The following LRRC38 variants were observed in gnomAD, a reference collection of about 807,000 sequenced individuals.
LRRC38 encodes the protein leucine-rich repeat-containing protein 38.
Under a neutral mutation model 16.4 loss-of-function variants are expected in LRRC38, and 5 were observed. That is an observed-to-expected ratio of 0.31 (90% CI 0.16 to 0.64). The LOEUF (loss-of-function observed/expected upper bound fraction) is 0.64, where lower values mean the gene tolerates loss of function less well. Ranked by LOEUF, LRRC38 falls within the 30% of genes least tolerant of loss-of-function variation. LRRC38 has a pLI of 0.80. For synonymous variants in LRRC38, 191 were observed against 190.2 expected, an observed-to-expected ratio of 1.00 and a Z score of -0.04; for missense variants, 341 against 401.8, an observed-to-expected ratio of 0.85 and a Z score of 1.29.
intron 1 of LRRC38, among the ~76,000 whole-genome samples, chr1:13,510,087 C>T (rs1292804506): frequency 1.3e-5 from 2 of 152,222 alleles, no homozygotes; most frequent in South Asian, 2.1e-4. Context: ...ATCTCCTCCC[C>T]ACTTCGCTGG....
At chr1:13,504,886 CAAAG>C (rs1244586970) in intron 1 of LRRC38, among the ~76,000 whole-genome samples, 6 of 147,608 alleles carry the variant, frequency 4.1e-5, no homozygotes, top group African/African-American at 1.3e-4. Flanking sequence ...AAAAGAGAAA[CAAAG>C]AAAGAAAAAA....
rs113802145 is a variant in LRRC38, at chr1:13,480,755, T to G, written c.632-4656A>C. Among the ~76,000 whole-genome samples, 186 of 152,326 alleles carry G rather than the reference T, an allele frequency of 1.2e-3. 3 individuals are homozygous for G. Among genetic ancestry groups the G allele is most frequent in the African/African-American group, 4.2e-3 (176 of 41,554 alleles). On this transcript the variant is annotated intron_variant, in intron 1 of 1. Coordinates refer to ENST00000376085, the MANE Select transcript of LRRC38 (RefSeq NM_001010847.2). The stretch of plus-strand genomic sequence containing the variant: ...CCTCCTTCACCTTCCACCATGATTG[T>G]GAGGCCTCCCCAGCCATGTGGAACT...
chr1:13,491,677 CTCTTT>C (rs1639014151), intron 1 of LRRC38, among the ~76,000 whole-genome samples: 1 of 151,424 alleles, frequency 6.6e-6, no homozygotes, highest in Non-Finnish European at 1.5e-5. Context: ...TTTCTTTTCT[CTCTTT>C]TTTTTTTGTT....
intron 1 of LRRC38, among the ~76,000 whole-genome samples, chr1:13,477,101 T>TC (rs1557493395): frequency 6.6e-6 from 1 of 151,856 alleles, no homozygotes; most frequent in Non-Finnish European, 1.5e-5. Flanking sequence ...CGAGACTCCA[T>TC]CTCAAAAAAA....
chr1:13,497,423 G>A (rs181488237), intron 1 of LRRC38, among the ~76,000 whole-genome samples: 19 of 152,200 alleles, frequency 1.2e-4, no homozygotes, highest in Admixed American at 3.9e-4. Flanking sequence ...TGAAGCAAGC[G>A]TGGGAGCTTG....
intron 1 of LRRC38, among the ~76,000 whole-genome samples, chr1:13,501,319 G>GTGC (rs1309800485): frequency 6.6e-6 from 1 of 152,118 alleles, no homozygotes; most frequent in African/African-American, 2.4e-5. Context: ...AGGGGAAACT[G>GTGC]TGCAGGGTAA....
At position 13,476,017 on chromosome 1, in the gene LRRC38, C is replaced by A; in HGVS notation, c.714G>T (p.Glu238Asp). The A allele has an allele frequency of 6.4e-7, 1 of 1,550,532 alleles. No individual in the cohort carries two copies. Among genetic ancestry groups the A allele is most frequent in the Non-Finnish European group, 8.7e-7 (1 of 1,146,986 alleles). ...CTGTGAGTGACAGGCTGAACCTACACTCGCTGAAGCTGGCCTCCGACAGCT... is the reference window on the plus strand; with the variant it reads ...CTGTGAGTGACAGGCTGAACCTACAATCGCTGAAGCTGGCCTCCGACAGCT... Reference protein sequence around the residue: ...LRELSEASFSECRFSLSLTDL... With the variant: ...LRELSEASFSDCRFSLSLTDL... Residue 238 changes from glutamate to aspartate, a missense_variant, in exon 2 of 2, where the codon GAG (glutamate) becomes GAT (aspartate). Glu to Asp is a conservative substitution (Grantham distance 45). Transcript: ENST00000376085.
At chr1:13,494,684 A>G (rs1204480747) in intron 1 of LRRC38, among the ~76,000 whole-genome samples, 1 of 152,132 alleles carries the variant, frequency 6.6e-6, no homozygotes, top group East Asian at 1.9e-4. Context: ...ATATGAGGGG[A>G]GCAGTGCTGA....
At chr1:13,494,677 T>C (rs164868) in intron 1 of LRRC38, among the ~76,000 whole-genome samples, 59,966 of 152,038 alleles carry the variant, frequency 0.39, 12,977 homozygotes, top group African/African-American at 0.58. Context: ...TCATGCAATA[T>C]GAGGGGAGCA....
rs919947974 is a variant in LRRC38, at chr1:13,476,108, A to C, written c.632-9T>G. ...CTGGATTTCATCAAGGCCTGAGAAA[A>C]GGCAGGCAGAGGAGAGAGAGATTTA... On this transcript the variant is annotated splice_polypyrimidine_tract_variant and intron_variant, in intron 1 of 1. Transcript: ENST00000376085. 6.5e-7 allele frequency: 1 copy of C among 1,549,890 alleles called. No homozygotes were observed. Among genetic ancestry groups the C allele is most frequent in the African/African-American group, 1.4e-5 (1 of 73,022 alleles).
At chr1:13,502,359 C>A (rs1320182810) in intron 1 of LRRC38, among the ~76,000 whole-genome samples, 1 of 152,192 alleles carries the variant, frequency 6.6e-6, no homozygotes, top group African/African-American at 2.4e-5. Context: ...GAACTTGCTT[C>A]TTTCCCCTGA....
intron 1 of LRRC38, among the ~76,000 whole-genome samples, chr1:13,490,087 C>G (rs747881084): frequency 6.6e-6 from 1 of 152,172 alleles, no homozygotes; most frequent in East Asian, 1.9e-4. Flanking sequence ...ACTGACTGTT[C>G]ATGTGATTTT....
In LRRC38 at chr1:13,493,083, G is replaced by T. The variant is rs1391404898; in HGVS notation, c.632-16984C>A. Among the ~76,000 whole-genome samples, 8 of 152,346 alleles carry T rather than the reference G, an allele frequency of 5.3e-5. No individual in the cohort carries two copies. In the East Asian group the frequency reaches 1.2e-3, roughly 22 times the overall value. On this transcript the variant is annotated intron_variant, in intron 1 of 1. Transcript: ENST00000376085. ...AGGCATCTCACCCTCGGCTCACGAA[G>T]TGCTCTCTATGCTTCAAATAGCTTC...
At chr1:13,476,677 G>A (rs1359666824) in intron 1 of LRRC38, among the ~76,000 whole-genome samples, 1 of 152,112 alleles carries the variant, frequency 6.6e-6, no homozygotes, top group Non-Finnish European at 1.5e-5. Context: ...GGGATGGAAG[G>A]GCATCATTAT....
intron 1 of LRRC38, among the ~76,000 whole-genome samples, chr1:13,498,777 T>C (rs1047490816): frequency 6.6e-6 from 1 of 152,178 alleles, no homozygotes; most frequent in Admixed American, 6.5e-5. Flanking sequence ...TGCAACACAA[T>C]ACCACCAACT....
chr1:13,513,058 CGCAGCGCGG>C lies in LRRC38; in HGVS notation c.527_535del (p.Pro176_Leu178del), dbSNP rs1481484064. ...GGGGTTCCCGTCCAGACGCAGGGAG[CGCAGCGCGG>C]GCAGCGCGGCCAGGGCGGCCACGCT... On this transcript the variant is annotated inframe_deletion, in exon 1 of 2. Coordinates refer to ENST00000376085, the MANE Select transcript of LRRC38 (RefSeq NM_001010847.2). 1.9e-6 allele frequency: 3 copies of C among 1,550,052 alleles called. No individual in the cohort carries two copies. The highest frequency in any genetic ancestry group is 1.4e-5 in the African/African-American group (1 of 73,042).
At chr1:13,492,011 G>A (rs1158886458) in intron 1 of LRRC38, among the ~76,000 whole-genome samples, 1 of 152,032 alleles carries the variant, frequency 6.6e-6, no homozygotes, top group African/African-American at 2.4e-5. Context: ...AGTTTCTCTA[G>A]CGTTGTTACA....
chr1:13,513,632 G>A lies in LRRC38; in HGVS notation c.-39C>T. The A allele has an allele frequency of 3.8e-6, 4 of 1,047,548 alleles. No individual in the cohort carries two copies. Among genetic ancestry groups the A allele is most frequent in the Non-Finnish European group, 4.6e-6 (4 of 871,974 alleles). 64.9% of individuals were successfully genotyped at this position (1,047,548 alleles called of 1,614,324 possible). ...GCGCCGGCCGCGGCGAGAAGGAAGC[G>A]GCTCTCGGAGCGAGCCCTGGCGCGG... On this transcript the variant is annotated 5_prime_UTR_variant, in exon 1 of 2. Transcript: ENST00000376085.
At chr1:13,497,979 A>AG (rs1405802781) in intron 1 of LRRC38, among the ~76,000 whole-genome samples, 1 of 150,238 alleles carries the variant, frequency 6.7e-6, no homozygotes, top group Non-Finnish European at 1.5e-5. Flanking sequence ...AAAAAAAAAA[A>AG]AAAGAAACGA....
Sources: allele counts gnomAD v4.1 joint callset (sites outside exome capture counted in the v4.1 genomes callset), GRCh38; gene constraint gnomAD v4.1.1; transcripts MANE v1.5; gene names NCBI Gene and HGNC (gene_info 2026-07-23, HGNC 2026-07-21).